Variants in ETFB observed in about 807,000 individuals in gnomAD.
ETFB encodes the protein electron transfer flavoprotein subunit beta.
Under a neutral mutation model 25.6 loss-of-function variants are expected in ETFB, and 20 were observed. The ratio of observed to expected loss-of-function variants is 0.78; its 90% confidence interval spans 0.55 to 1.14. ETFB has a LOEUF of 1.14. Ranked by LOEUF, ETFB falls within the 50% of genes most tolerant of loss-of-function variation. ETFB has a pLI of 0.00. For missense variants in ETFB, 286 were observed against 342.6 expected, an observed-to-expected ratio of 0.83 and a Z score of 1.30; for synonymous variants, 142 against 146.7, an observed-to-expected ratio of 0.97 and a Z score of 0.23.
In ETFB at chr19:51,353,214, C is replaced by T. The variant is rs761063406; in HGVS notation, c.293G>A (p.Arg98His). ...HVEVPPAEAE[R>H]LGPLQVARVL... ...CCGAGCCACCTGCAGGGGACCCAAG[C>T]GTTCTGCTTCTGCTGGGGGCACCTC... is the stretch of plus-strand genomic sequence containing the variant. The change falls in exon 3 of 6, where the codon CGC (arginine) becomes CAC (histidine). Residue 98 changes from arginine (R) to histidine (H), a missense_variant. Physicochemically the swap from Arg to His is conservative, Grantham distance 29 (BLOSUM62 0). Transcript: ENST00000309244. The T allele has an allele frequency of 8.7e-6, 14 of 1,613,986 alleles. No homozygotes were observed. The highest frequency in any genetic ancestry group is 1.0e-5 in the Non-Finnish European group (12 of 1,180,022).
intron 1 of ETFB, among the ~76,000 whole-genome samples, chr19:51,360,019 GAAAAA>G (rs375911822): frequency 1.4e-5 from 2 of 140,602 alleles, no homozygotes; most frequent in African/African-American, 5.2e-5. Context: ...GTCTCAAAAA[GAAAAA>G]AAAAAAGTTT....
At chr19:51,351,486 A>G (rs964487250) in intron 3 of ETFB, among the ~76,000 whole-genome samples, 3 of 152,218 alleles carry the variant, frequency 2.0e-5, no homozygotes, top group Admixed American at 2.0e-4. Context: ...TTCATCCGGC[A>G]TTTCCCCAGC....
Position 51,354,501 on chromosome 19 carries a change from CCTT to C in ETFB, c.58-196_58-194del, listed in dbSNP as rs768440463. 2.0e-5 allele frequency: 32 copies of C among 1,614,090 alleles called. No homozygotes were observed. In the East Asian group the frequency reaches 4.5e-4, roughly 22 times the overall value. The stretch of plus-strand genomic sequence containing the variant: ...TAGGCAGGGGCAGGTCACCCTGTCT[CCTT>C]CTCTCATCCAGCCATTCCTGGGTAC... On this transcript the variant is annotated intron_variant, in intron 1 of 5. Coordinates refer to ENST00000309244, the MANE Select transcript of ETFB (RefSeq NM_001985.3).
At chr19:51,361,703 T>TG (rs1986233191) in intron 1 of ETFB, 1 of 90,546 alleles carries the variant, frequency 1.1e-5, no homozygotes, top group African/African-American at 3.0e-5. Context: ...CTGGGTTTTT[T>TG]TTTTTTTTTT....
chr19:51,360,888 C>T (rs986066697), intron 1 of ETFB, among the ~76,000 whole-genome samples: 18 of 152,062 alleles, frequency 1.2e-4, no homozygotes, highest in African/African-American at 4.3e-4. Context: ...TGGGTTCAAG[C>T]GATTCTCCTG....
chr19:51,349,159 G>A (rs1296483174), intron 4 of ETFB, among the ~76,000 whole-genome samples: 3 of 152,154 alleles, frequency 2.0e-5, no homozygotes, highest in Admixed American at 6.6e-5. Context: ...GTAGGCTAAC[G>A]TTAAGTGTTG....
At chr19:51,352,549 C>T (rs1001149849) in intron 3 of ETFB, among the ~76,000 whole-genome samples, 2 of 152,152 alleles carry the variant, frequency 1.3e-5, no homozygotes, top group African/African-American at 4.8e-5. Context: ...GCTGAGGCCT[C>T]ATTCTCCCCC....
intron 3 of ETFB, among the ~76,000 whole-genome samples, chr19:51,351,876 C>T (rs1395915443): frequency 1.3e-5 from 2 of 152,032 alleles, no homozygotes; most frequent in African/African-American, 4.8e-5. Context: ...CTGCTGTCTC[C>T]GTGCTCTGCT....
At chr19:51,349,041 G>A (rs567448797) in intron 4 of ETFB, among the ~76,000 whole-genome samples, 3 of 152,284 alleles carry the variant, frequency 2.0e-5, no homozygotes, top group South Asian at 2.1e-4. Flanking sequence ...GCCAGTGTCC[G>A]TACAACCATT....
Position 51,345,276 on chromosome 19 carries a change from C to T in ETFB, c.703G>A (p.Ala235Thr), listed in dbSNP as rs775793200. Residue 235 changes from alanine (A) to threonine (T), a missense_variant, in exon 6 of 6, where the codon GCC becomes ACC. Coordinates refer to ENST00000309244, the MANE Select transcript of ETFB (RefSeq NM_001985.3). ...TCAGTGGTCTCCACCTTGACGCCGG[C>T]CGTGCGCTGGGGCGGGTCCTCCACA... ...ISVEDPPQRTAGVKVETTEDL... is the reference protein window; with the variant it reads ...ISVEDPPQRTTGVKVETTEDL... The T allele has an allele frequency of 6.2e-7, 1 of 1,614,218 alleles. No homozygotes were observed. Among genetic ancestry groups the T allele is most frequent in the Non-Finnish European group, 8.5e-7 (1 of 1,180,038 alleles).
intron 1 of ETFB, among the ~76,000 whole-genome samples, chr19:51,363,704 C>G (rs1019616295): frequency 1.3e-5 from 2 of 152,156 alleles, no homozygotes; most frequent in South Asian, 4.1e-4. Context: ...TCGCCTCAGC[C>G]TCACAAAGTG....
intron 5 of ETFB, chr19:51,345,629 C>T: frequency 1.8e-6 from 1 of 556,114 alleles, no homozygotes; most frequent in Non-Finnish European, 3.2e-6. Context: ...ATCAGGAAGC[C>T]CTTCACTGGC....
At chr19:51,358,664 C>T (rs891463549) in intron 1 of ETFB, among the ~76,000 whole-genome samples, 1 of 152,072 alleles carries the variant, frequency 6.6e-6, no homozygotes, top group African/African-American at 2.4e-5. Flanking sequence ...AAAAAATTAG[C>T]CGGGCATGGT....
chr19:51,359,580 G>GAC (rs142691724), intron 1 of ETFB, among the ~76,000 whole-genome samples: 7,075 of 150,740 alleles, frequency 0.047, 573 homozygotes, highest in African/African-American at 0.16. Context: ...GAACTTTCCA[G>GAC]ACACACACAC....
chr19:51,352,067 T>G (rs1354382678), intron 3 of ETFB, among the ~76,000 whole-genome samples: 1 of 151,732 alleles, frequency 6.6e-6, no homozygotes, highest in Non-Finnish European at 1.5e-5. Flanking sequence ...TGCCCGAGGG[T>G]CTCCTGGGGG....
At chr19:51,362,694 T>C (rs1986261540) in intron 1 of ETFB, among the ~76,000 whole-genome samples, 1 of 152,094 alleles carries the variant, frequency 6.6e-6, no homozygotes, top group Non-Finnish European at 1.5e-5. Context: ...AGTAGAAAAA[T>C]GAGGCTTAGA....
chr19:51,354,115 C>G (rs753671991), intron 2 of ETFB, 35 bp downstream of exon 2: 1 of 1,607,606 alleles, frequency 6.2e-7, no homozygotes. Context: ...CCGTCAGACC[C>G]AGGAGTCCAG....
chr19:51,353,410 C>G, intron 2 of ETFB, 120 bp from the exon 3 acceptor site: 1 of 846,942 alleles, frequency 1.2e-6, no homozygotes, highest in South Asian at 1.4e-5. Context: ...CTTCCTCAGA[C>G]CCAGGAGTCC....
intron 5 of ETFB, 122 bp from the exon 6 acceptor site, chr19:51,345,503 C>A (rs1423761813): frequency 5.0e-6 from 5 of 991,520 alleles, no homozygotes; most frequent in African/African-American, 1.6e-5. Flanking sequence ...TGGACCCACC[C>A]ACTGGCCAGG....
Sources: allele counts gnomAD v4.1 joint callset (sites outside exome capture counted in the v4.1 genomes callset), GRCh38; gene constraint gnomAD v4.1.1; transcripts MANE v1.5; gene names NCBI Gene and HGNC (gene_info 2026-07-23, HGNC 2026-07-21).